RANBP2: variants seen among roughly 807,000 people sequenced by gnomAD.
RANBP2 encodes RAN binding protein 2.
RANBP2 carries 57 observed loss-of-function variants against 303.6 expected under a neutral mutation model. That is an observed-to-expected ratio of 0.19 (90% CI 0.15 to 0.23). The LOEUF (loss-of-function observed/expected upper bound fraction) is 0.23. Among genes scored for constraint, RANBP2 ranks in the 10% least tolerant of loss-of-function variants. RANBP2 has a pLI of 1.00. For missense variants in RANBP2, 3,138 were observed against 3,780.8 expected (o/e 0.83, Z 4.46); for synonymous variants, 1,167 against 1,301.5 (o/e 0.90, Z 2.23).
At chr2:108,803,198 C>T in the RANBP2 span, among the ~76,000 whole-genome samples, 1 of 152,220 alleles carries the variant, frequency 6.6e-6, no homozygotes, top group South Asian at 2.1e-4. Flanking sequence ...ATTCTCCAAG[C>T]GTTTGCTCTA....
chr2:108,987,919 T>G, the RANBP2 span, among the ~76,000 whole-genome samples: 1 of 152,242 alleles, frequency 6.6e-6, no homozygotes, highest in Non-Finnish European at 1.5e-5. Context: ...ACATTCTCTA[T>G]TTTAGATGCC....
At chr2:108,975,046 C>T in the RANBP2 span, among the ~76,000 whole-genome samples, 1 of 152,220 alleles carries the variant, frequency 6.6e-6, no homozygotes, top group Non-Finnish European at 1.5e-5. Context: ...TGGGAAACCA[C>T]GGCCCCATTG....
At chr2:109,550,595 T>C in the RANBP2 span, among the ~76,000 whole-genome samples, 4 of 152,088 alleles carry the variant, frequency 2.6e-5, no homozygotes, top group Non-Finnish European at 5.9e-5. Flanking sequence ...ATTGCAGGCG[T>C]GAGCCACCAC....
chr2:109,378,701 G>A, the RANBP2 span, among the ~76,000 whole-genome samples: 1 of 152,158 alleles, frequency 6.6e-6, no homozygotes, highest in South Asian at 2.1e-4. Flanking sequence ...CCTTTCATGT[G>A]GGGCTAATTT....
the RANBP2 span, among the ~76,000 whole-genome samples, chr2:109,290,131 T>C: frequency 1.3e-5 from 2 of 152,202 alleles, no homozygotes; most frequent in Admixed American, 6.5e-5. Context: ...ACCACAGATA[T>C]AGATGACCAA....
chr2:108,798,714 C>G, the RANBP2 span: 1 of 264,478 alleles, frequency 3.8e-6, no homozygotes, highest in South Asian at 6.6e-5. Context: ...CGCCTACACA[C>G]ACACACACAC....
chr2:109,576,889 A>T, the RANBP2 span, among the ~76,000 whole-genome samples: 5 of 152,206 alleles, frequency 3.3e-5, no homozygotes, highest in South Asian at 2.1e-4. Flanking sequence ...TCAAAGGAAA[A>T]AAACAGAAAA....
the RANBP2 span, chr2:109,130,008 G>A: frequency 7.7e-7 from 1 of 1,301,794 alleles, no homozygotes; most frequent in Non-Finnish European, 9.7e-7. Flanking sequence ...GGGGCGGCGC[G>A]GCAGGCAGCA....
At chr2:109,285,761 G>T in the RANBP2 span, among the ~76,000 whole-genome samples, 16 of 152,222 alleles carry the variant, frequency 1.1e-4, no homozygotes, top group Non-Finnish European at 2.1e-4. Context: ...GTGGAACCTG[G>T]ATCCAGACCT....
chr2:109,048,988 T>G, the RANBP2 span, among the ~76,000 whole-genome samples: 2 of 152,208 alleles, frequency 1.3e-5, no homozygotes, highest in African/African-American at 4.8e-5. Context: ...TCTGTCTCCT[T>G]TTTAAAGAGT....
chr2:109,015,929 G>A, the RANBP2 span, among the ~76,000 whole-genome samples: 1 of 152,208 alleles, frequency 6.6e-6, no homozygotes, highest in Admixed American at 6.5e-5. Context: ...GTTTTCAGCT[G>A]TACAGGGGTC....
chr2:109,247,330 C>T, the RANBP2 span, among the ~76,000 whole-genome samples: 2 of 152,204 alleles, frequency 1.3e-5, no homozygotes, highest in Non-Finnish European at 2.9e-5. Flanking sequence ...CAAATCTCTG[C>T]AGCCCCTCCC....
the RANBP2 span, among the ~76,000 whole-genome samples, chr2:108,988,488 G>T: frequency 6.6e-6 from 1 of 152,138 alleles, no homozygotes; most frequent in Non-Finnish European, 1.5e-5. Context: ...GATATGGGGG[G>T]TCTCAGACAC....
At chr2:108,735,957 A>G in intron 5 of RANBP2, 147 bp from the exon 6 acceptor site, 1 of 1,555,040 alleles carries the variant, frequency 6.4e-7, no homozygotes, top group Non-Finnish European at 8.7e-7. Flanking sequence ...AAATGTATAT[A>G]TTTTTGGTGT....
the RANBP2 span, among the ~76,000 whole-genome samples, chr2:109,161,915 C>T: frequency 6.6e-6 from 1 of 152,004 alleles, no homozygotes; most frequent in Non-Finnish European, 1.5e-5. Context: ...TATCACCTAT[C>T]ACTCAGTGGT....
At chr2:108,851,504 A>T in the RANBP2 span, among the ~76,000 whole-genome samples, 274 of 152,156 alleles carry the variant, frequency 1.8e-3, no homozygotes, top group Non-Finnish European at 2.2e-3. Flanking sequence ...GTTTCACCAC[A>T]TTGGCCAGGC....
At chr2:109,315,969 T>G in the RANBP2 span, among the ~76,000 whole-genome samples, 1 of 152,198 alleles carries the variant, frequency 6.6e-6, no homozygotes, top group Admixed American at 6.5e-5. Flanking sequence ...TTAGCAGAAG[T>G]CTTTTTGGTC....
the RANBP2 span, among the ~76,000 whole-genome samples, chr2:109,391,100 A>G: frequency 6.6e-6 from 1 of 152,162 alleles, no homozygotes; most frequent in Non-Finnish European, 1.5e-5. Context: ...CTGAAATGAA[A>G]ACCATTCGCT....
At chr2:109,604,541 C>T in the RANBP2 span, among the ~76,000 whole-genome samples, 1 of 151,980 alleles carries the variant, frequency 6.6e-6, no homozygotes, top group Non-Finnish European at 1.5e-5. Flanking sequence ...TCCTGGCTAA[C>T]ATGGTGAAAC....
Sources: allele counts gnomAD v4.1 joint callset (sites outside exome capture counted in the v4.1 genomes callset), GRCh38; gene constraint gnomAD v4.1.1; transcripts MANE v1.5; gene names NCBI Gene and HGNC (gene_info 2026-07-23, HGNC 2026-07-21).